MTARC2: variants seen among roughly 807,000 people sequenced by gnomAD.
MTARC2 encodes the protein MOCO sulphurase C-terminal domain containing 2.
In MTARC2, 27 loss-of-function variants were observed where a neutral mutation model predicts 35.6. The ratio of observed to expected loss-of-function variants is 0.76; its 90% CI spans 0.56 to 1.04. MTARC2 has a LOEUF of 1.04. Ranked by LOEUF, MTARC2 falls within the 50% of genes least tolerant of loss-of-function variation. The pLI is 0.00. For missense variants in MTARC2, 412 were observed against 432.5 expected (o/e 0.95, Z 0.42); for synonymous variants, 158 against 167.1 (o/e 0.95, Z 0.42).
intron 1 of MTARC2, 24 bp downstream of exon 1, chr1:220,748,827 G>T: frequency 6.4e-7 from 1 of 1,552,620 alleles, no homozygotes. Flanking sequence ...CGGGCGCGGG[G>T]CAGCGCGGAG....
chr1:220,758,865 G>GTT (rs1383592330), intron 2 of MTARC2, among the ~76,000 whole-genome samples: 2 of 152,142 alleles, frequency 1.3e-5, no homozygotes, highest in African/African-American at 4.8e-5. Flanking sequence ...GTGTGTGTGT[G>GTT]TGTGTATTAA....
At chr1:220,771,322 C>G (rs1671739446) in intron 4 of MTARC2, among the ~76,000 whole-genome samples, 1 of 120,898 alleles carries the variant, frequency 8.3e-6, no homozygotes, top group Non-Finnish European at 1.6e-5. Flanking sequence ...AAAAAAAAGC[C>G]TTAGGCTTCT....
At chr1:220,753,072 C>CA (rs1421862477) in intron 1 of MTARC2, among the ~76,000 whole-genome samples, 1 of 103,940 alleles carries the variant, frequency 9.6e-6, no homozygotes, top group African/African-American at 4.7e-5. Flanking sequence ...AAAAAAAATA[C>CA]AAAAAATTAG....
chr1:220,764,403 T>G (rs1168195096), intron 4 of MTARC2, among the ~76,000 whole-genome samples: 1 of 152,172 alleles, frequency 6.6e-6, no homozygotes, highest in African/African-American at 2.4e-5. Context: ...CCTAATTTGT[T>G]GATAAACATG....
rs1671713757 is a variant in MTARC2 at position 220,770,467 on chromosome 1, C to T, written c.750+7417C>T. 4.1e-6 allele frequency: 4 copies of T among 985,412 alleles called. No homozygotes were observed. The East Asian group carries it at 3.4e-4, about 84-fold the overall frequency. The allele number at this position is 985,412 out of a possible 1,614,324, so 61.0% of individuals were successfully genotyped here. ...ATACGTGAACGCACGCTTATCGATC[C>T]CTTGTAAGGAGAGGTCATTCACTTT... On this transcript the variant is annotated intron_variant, in intron 4 of 7. Transcript: ENST00000366913.
intron 3 of MTARC2, among the ~76,000 whole-genome samples, chr1:220,762,575 TG>T (rs1671467918): frequency 6.6e-6 from 1 of 152,238 alleles, no homozygotes; most frequent in African/African-American, 2.4e-5. Context: ...AAATTATTAC[TG>T]GAGTATAGCT....
chr1:220,783,437 G>A (rs1181567601), intron 7 of MTARC2, among the ~76,000 whole-genome samples: 32 of 152,184 alleles, frequency 2.1e-4, no homozygotes, highest in Non-Finnish European at 5.9e-5. Flanking sequence ...TGATTGACTG[G>A]ACCTGGATCA....
chr1:220,767,655 A>G (rs1004582437), intron 4 of MTARC2, among the ~76,000 whole-genome samples: 1 of 152,218 alleles, frequency 6.6e-6, no homozygotes, highest in Non-Finnish European at 1.5e-5. Flanking sequence ...GATAAACTTG[A>G]TATTTTTAAT....
At chr1:220,761,020 G>A (rs1671422928) in intron 2 of MTARC2, among the ~76,000 whole-genome samples, 1 of 152,148 alleles carries the variant, frequency 6.6e-6, no homozygotes, top group Non-Finnish European at 1.5e-5. Context: ...TGATGAAAAA[G>A]TTTACCTGTC....
At chr1:220,762,341 G>T (rs72472392) in intron 3 of MTARC2, among the ~76,000 whole-genome samples, 2,032 of 152,276 alleles carry the variant, frequency 0.013, 33 homozygotes, top group East Asian at 0.06. Context: ...CGACATGTAC[G>T]ATGGTTTATA....
intron 1 of MTARC2, among the ~76,000 whole-genome samples, chr1:220,753,010 C>T (rs1364607812): frequency 3.4e-5 from 5 of 145,710 alleles, no homozygotes; most frequent in African/African-American, 1.0e-4. Context: ...ATCAGGAGAT[C>T]GAGACCATCC....
intron 2 of MTARC2, among the ~76,000 whole-genome samples, chr1:220,757,432 T>C (rs1250895244): frequency 1.3e-5 from 2 of 152,220 alleles, no homozygotes; most frequent in East Asian, 3.8e-4. Flanking sequence ...CCAAGGGAAC[T>C]GCTAAAAACT....
chr1:220,769,989 C>T (rs937787279), intron 4 of MTARC2, among the ~76,000 whole-genome samples: 14 of 149,208 alleles, frequency 9.4e-5, no homozygotes, highest in Admixed American at 8.8e-4. Flanking sequence ...CGACTGTAGC[C>T]CCAGCTACTC....
At chr1:220,770,113 A>T (rs933713276) in intron 4 of MTARC2, among the ~76,000 whole-genome samples, 1 of 152,116 alleles carries the variant, frequency 6.6e-6, no homozygotes, top group African/African-American at 2.4e-5. Context: ...TCTCAAAAAA[A>T]CAAAAACAAA....
chr1:220,748,337 T>C lies in MTARC2; in HGVS notation c.-195T>C, dbSNP rs72472368. The C allele has an allele frequency of 6.8e-4, 346 of 509,530 alleles. 2 individuals carry two copies. Among genetic ancestry groups the C allele is most frequent in the African/African-American group, 6.5e-3 (325 of 49,810 alleles). The allele number at this position is 509,530 out of a possible 1,614,324, so 31.6% of individuals were successfully genotyped here. A position where few individuals can be genotyped will look rare whatever the true frequency, so the allele number is the denominator to read the frequency against. On this transcript the variant is annotated 5_prime_UTR_variant, in exon 1 of 8. Transcript: ENST00000366913. ...TGTCTTCCTCCATTACCGCGCAGGCTTGGTCACCGCATTAAGGCATTCCCG... is the reference window on the plus strand; with the variant it reads ...TGTCTTCCTCCATTACCGCGCAGGCCTGGTCACCGCATTAAGGCATTCCCG...
chr1:220,783,581 A>G (rs1672139959), intron 7 of MTARC2, among the ~76,000 whole-genome samples: 1 of 152,238 alleles, frequency 6.6e-6, no homozygotes, highest in Non-Finnish European at 1.5e-5. Flanking sequence ...TTTGCAGTGG[A>G]TGGAGGCAAC....
chr1:220,758,967 C>T (rs1484732971), intron 2 of MTARC2, among the ~76,000 whole-genome samples: 1 of 151,912 alleles, frequency 6.6e-6, no homozygotes, highest in Non-Finnish European at 1.5e-5. Flanking sequence ...ATTAATCCAC[C>T]TTATCTATGA....
chr1:220,770,499 C>T (rs907391917), intron 4 of MTARC2: 1 of 985,326 alleles, frequency 1.0e-6, no homozygotes, highest in Non-Finnish European at 1.2e-6. Context: ...CTTTACAATG[C>T]TACCCAAGAG....
chr1:220,767,129 C>G (rs1157119088), intron 4 of MTARC2, among the ~76,000 whole-genome samples: 1 of 152,046 alleles, frequency 6.6e-6, no homozygotes, highest in Admixed American at 6.6e-5. Flanking sequence ...CTCGAACAAT[C>G]CTCTGGCCAC....
Sources: gnomAD v4.1 joint callset for allele counts (sites outside exome capture counted in the v4.1 genomes callset) on GRCh38, gnomAD v4.1.1 for gene constraint, MANE v1.5 for transcripts, NCBI Gene and HGNC (gene_info 2026-07-23, HGNC 2026-07-21) for gene names.